CBX1: variants seen among roughly 807,000 people sequenced by gnomAD.
The protein encoded by CBX1 is chromobox protein homolog 1.
CBX1 carries 10 observed loss-of-function variants against 25.1 expected under a neutral mutation model. That is an observed-to-expected ratio of 0.40 (90% CI 0.25 to 0.68). The LOEUF (loss-of-function observed/expected upper bound fraction) is 0.68. Ranked by LOEUF, CBX1 falls within the 30% of genes least tolerant of loss-of-function variation. The probability of loss-of-function intolerance (pLI) is 0.40; values close to 1 mark genes in which losing one functional copy is unlikely to be tolerated. For synonymous variants in CBX1, 63 were observed against 79.4 expected (o/e 0.79, Z 1.10); for missense variants, 106 against 218.5 (o/e 0.49, Z 3.25).
chr17:48,076,775 T>C (rs2037678702), intron 2 of CBX1, 90 bp downstream of exon 2: 8 of 1,177,536 alleles, frequency 6.8e-6, no homozygotes, highest in African/African-American at 1.6e-5. Context: ...TGAGTCACAC[T>C]GTATCCATCA....
Position 48,096,032 on chromosome 17 carries a change from C to G in CBX1, c.-38+5236G>C, listed in dbSNP as rs554519940. Among the ~76,000 whole-genome samples the G allele has an allele frequency of 2.0e-5, 3 of 152,344 alleles. No homozygotes were observed. In the East Asian group the frequency reaches 5.8e-4, roughly 29 times the overall value. ...AGTCACTGGGATTACAGGCATGCAC[C>G]ACCACGCCCAGCTAATTGTGTATTT... On this transcript the variant is annotated intron_variant, in intron 1 of 4. Transcript: ENST00000225603.
chr17:48,071,678 G>T (rs1567762438), intron 4 of CBX1, 99 bp from the exon 5 acceptor site: 1 of 993,676 alleles, frequency 1.0e-6, no homozygotes, highest in Non-Finnish European at 1.4e-6. Flanking sequence ...GGTAATTTTA[G>T]AAAAATAGGC....
chr17:48,081,707 G>C (rs1332501655), intron 1 of CBX1, among the ~76,000 whole-genome samples: 1 of 152,166 alleles, frequency 6.6e-6, no homozygotes, highest in African/African-American at 2.4e-5. Flanking sequence ...CTCCCAAAGT[G>C]CTGGGATTAC....
intron 1 of CBX1, among the ~76,000 whole-genome samples, chr17:48,087,550 G>A (rs985480587): frequency 4.0e-5 from 6 of 151,790 alleles, no homozygotes; most frequent in African/African-American, 7.3e-5. Context: ...CTCCAGCCTG[G>A]GCAACAGAGT....
At chr17:48,085,588 T>C (rs2063307915) in intron 1 of CBX1, among the ~76,000 whole-genome samples, 1 of 152,044 alleles carries the variant, frequency 6.6e-6, no homozygotes, top group Admixed American at 6.6e-5. Context: ...TGATTTTTAA[T>C]TGGTTTCTGG....
intron 1 of CBX1, chr17:48,088,175 G>C (rs2063323493): frequency 6.6e-6 from 1 of 151,724 alleles, no homozygotes; most frequent in Non-Finnish European, 1.5e-5. Flanking sequence ...CCTGGGCGTG[G>C]TGGCAGGCGC....
intron 1 of CBX1, among the ~76,000 whole-genome samples, chr17:48,082,501 CAAAAAAA>C (rs572999255): frequency 1.8e-3 from 95 of 53,758 alleles, no homozygotes; most frequent in South Asian, 4.5e-3. Flanking sequence ...GACTCCATCT[CAAAAAAA>C]AAAAAAAAAA....
At chr17:48,099,583 A>C (rs2063396286) in intron 1 of CBX1, among the ~76,000 whole-genome samples, 1 of 152,146 alleles carries the variant, frequency 6.6e-6, no homozygotes, top group Non-Finnish European at 1.5e-5. Flanking sequence ...AAAAGTCTAT[A>C]AGGCACCTAG....
At chr17:48,081,857 C>T (rs753785757) in intron 1 of CBX1, among the ~76,000 whole-genome samples, 5 of 152,178 alleles carry the variant, frequency 3.3e-5, no homozygotes, top group Non-Finnish European at 1.5e-5. Flanking sequence ...GCATCTACAT[C>T]CAGAGATACT....
At chr17:48,083,127 A>C (rs1245412141) in intron 1 of CBX1, among the ~76,000 whole-genome samples, 3 of 149,968 alleles carry the variant, frequency 2.0e-5, no homozygotes, top group Admixed American at 2.0e-4. Context: ...CAGCCTCCCA[A>C]AGTGCTGGGA....
At chr17:48,094,166 G>T (rs1567770130) in intron 1 of CBX1, among the ~76,000 whole-genome samples, 1 of 148,334 alleles carries the variant, frequency 6.7e-6, no homozygotes, top group Non-Finnish European at 1.5e-5. Context: ...GGGCGCAGTG[G>T]CTCATGCTTG....
In CBX1 at chr17:48,082,843, A is replaced by AT. The variant is rs529588236; in HGVS notation, c.-37-5803dup. 7.9e-4 allele frequency among the ~76,000 whole-genome samples: 99 copies of AT among 125,792 alleles called. 1 individual carries two copies. The South Asian group carries it at 0.012, about 16-fold the overall frequency. The allele number at this position is 125,792 out of a possible 152,430, so 82.5% of individuals were successfully genotyped here. A position where few individuals can be genotyped will look rare whatever the true frequency, so the allele number is the denominator to read the frequency against. On this transcript the variant is annotated intron_variant, in intron 1 of 4. Transcript: ENST00000225603. Reference sequence around the variant, plus strand: ...GTAAGCCACTGTGCCAGGTAATTTTATTTTTTTTTAATGACACAATTATCT... The same window carrying AT: ...GTAAGCCACTGTGCCAGGTAATTTTATTTTTTTTTTAATGACACAATTATCT...
chr17:48,070,353 G>A lies in CBX1; in HGVS notation c.*1082C>T, dbSNP rs2037613828. ...ATCTTCTCCTGAGACCAAGGCTTTTGAAATCACTAAACTCTTGGATCAATT... is the reference window on the plus strand; with the variant it reads ...ATCTTCTCCTGAGACCAAGGCTTTTAAAATCACTAAACTCTTGGATCAATT... On this transcript the variant is annotated 3_prime_UTR_variant, in exon 5 of 5. Coordinates refer to ENST00000225603, the MANE Select transcript of CBX1 (RefSeq NM_001127228.2). 1 of 152,594 alleles carries A rather than the reference G, an allele frequency of 6.6e-6. No individual in the cohort carries two copies. Among genetic ancestry groups the A allele is most frequent in the South Asian group, 2.1e-4 (1 of 4,822 alleles). The allele number at this position is 152,594 out of a possible 1,614,324, so 9.5% of individuals were successfully genotyped here. A position where few individuals can be genotyped will look rare whatever the true frequency, so the allele number is the denominator to read the frequency against.
chr17:48,098,743 C>G (rs1455026796), intron 1 of CBX1, among the ~76,000 whole-genome samples: 5 of 152,150 alleles, frequency 3.3e-5, no homozygotes, highest in African/African-American at 1.2e-4. Context: ...GCCTTCTACA[C>G]CAGAAACTCT....
intron 1 of CBX1, among the ~76,000 whole-genome samples, chr17:48,082,212 T>C (rs956840635): frequency 6.8e-5 from 10 of 147,886 alleles, no homozygotes; most frequent in African/African-American, 2.5e-4. Context: ...TTTAAAAAAA[T>C]GATAAAGAGG....
Position 48,071,432 on chromosome 17 carries a change from G to C in CBX1, c.*3C>G. On this transcript the variant is annotated 3_prime_UTR_variant, in exon 5 of 5. Transcript: ENST00000225603. ...ATGTGACAGGGGCTGGTACTCAGGA[G>C]CGTTAGTTCTTGTCATCTTTTTTGT... 6.2e-7 allele frequency: 1 copy of C among 1,605,916 alleles called. No individual in the cohort carries two copies. The highest frequency in any genetic ancestry group is 8.5e-7 in the Non-Finnish European group (1 of 1,176,792).
chr17:48,081,100 G>A (rs1238745927), intron 1 of CBX1, among the ~76,000 whole-genome samples: 1 of 147,842 alleles, frequency 6.8e-6, no homozygotes, highest in African/African-American at 2.5e-5. Flanking sequence ...TTGTATTTTC[G>A]GTAGAGAAGG....
intron 2 of CBX1, among the ~76,000 whole-genome samples, chr17:48,076,581 G>A (rs548944428): frequency 6.6e-6 from 1 of 152,144 alleles, no homozygotes; most frequent in African/African-American, 2.4e-5. Flanking sequence ...TGAGGTGGGA[G>A]GATACCTTGA....
intron 1 of CBX1, among the ~76,000 whole-genome samples, chr17:48,094,969 C>A (rs2063365461): frequency 6.6e-6 from 1 of 150,652 alleles, no homozygotes; most frequent in Admixed American, 6.6e-5. Context: ...ATTACTTGAA[C>A]CAGGCAGGCA....
Sources: gnomAD v4.1 joint callset for allele counts (sites outside exome capture counted in the v4.1 genomes callset) on GRCh38, gnomAD v4.1.1 for gene constraint, MANE v1.5 for transcripts, NCBI Gene and HGNC (gene_info 2026-07-23, HGNC 2026-07-21) for gene names.